Variants in EPB41L4A observed in about 807,000 individuals in gnomAD.
EPB41L4A encodes band 4.1-like protein 4A.
In EPB41L4A, 100 loss-of-function variants were observed where a neutral mutation model predicts 108.6. The observed-to-expected ratio is 0.92, with a 90% confidence interval of 0.78 to 1.09. EPB41L4A has a LOEUF of 1.09. EPB41L4A is among the 50% of genes least tolerant of loss of function. The probability of loss-of-function intolerance (pLI) is 0.00; values close to 1 mark genes in which losing one functional copy is unlikely to be tolerated. For missense variants in EPB41L4A, 1,030 were observed against 842.7 expected (o/e 1.22, Z -2.75); for synonymous variants, 319 against 289.0 (o/e 1.10, Z -1.05).
Position 112,348,225 on chromosome 5 carries a change from C to T in EPB41L4A, c.100-40735G>A, listed in dbSNP as rs140333621. ...TTTCAAAGTCCTCCTCAAGTCTTCTCCTTCATGAAACCATCTGCGACACCT... is the reference window on the plus strand; with the variant it reads ...TTTCAAAGTCCTCCTCAAGTCTTCTTCTTCATGAAACCATCTGCGACACCT... On this transcript the variant is annotated intron_variant, in intron 1 of 22. Coordinates refer to ENST00000261486, the MANE Select transcript of EPB41L4A (RefSeq NM_022140.5). 4.6e-5 allele frequency among the ~76,000 whole-genome samples: 7 copies of T among 152,270 alleles called. No homozygotes were observed. In the East Asian group the frequency reaches 1.4e-3, roughly 29 times the overall value.
At chr5:112,344,068 T>C (rs1029125910) in intron 1 of EPB41L4A, among the ~76,000 whole-genome samples, 2 of 152,134 alleles carry the variant, frequency 1.3e-5, no homozygotes, top group Non-Finnish European at 2.9e-5. Context: ...ACCAATCTCC[T>C]TTAAAAAATT....
intron 1 of EPB41L4A, among the ~76,000 whole-genome samples, chr5:112,382,758 G>A (rs747536237): frequency 3.3e-5 from 5 of 152,122 alleles, no homozygotes; most frequent in African/African-American, 7.2e-5. Flanking sequence ...CAGTATATAG[G>A]TAGCAGGTGT....
At chr5:112,295,241 G>T (rs1289891159) in intron 2 of EPB41L4A, among the ~76,000 whole-genome samples, 1 of 152,144 alleles carries the variant, frequency 6.6e-6, no homozygotes, top group Non-Finnish European at 1.5e-5. Flanking sequence ...TATGAGGAGA[G>T]GTGAGATGAT....
exon 14 of EPB41L4A, chr5:112,142,797 G>C (rs1201968248): frequency 6.6e-5 from 10 of 152,156 alleles, no homozygotes; most frequent in African/African-American, 2.4e-4. Context: ...TTTCATAATA[G>C]AATAGTTGTG....
At chr5:112,392,519 C>T (rs1023555960) in intron 1 of EPB41L4A, among the ~76,000 whole-genome samples, 1 of 151,166 alleles carries the variant, frequency 6.6e-6, no homozygotes, top group Non-Finnish European at 1.5e-5. Context: ...GTAAAGGGAT[C>T]AATTCAACAA....
intron 1 of EPB41L4A, among the ~76,000 whole-genome samples, chr5:112,343,921 C>T (rs926614089): frequency 2.0e-5 from 3 of 152,092 alleles, no homozygotes; most frequent in Admixed American, 1.3e-4. Context: ...CCAGGTATGG[C>T]GGAATGCACC....
intron 1 of EPB41L4A, among the ~76,000 whole-genome samples, chr5:112,417,201 T>C (rs889458711): frequency 6.6e-6 from 1 of 152,208 alleles, no homozygotes; most frequent in Admixed American, 6.5e-5. Flanking sequence ...TAAAAAATAA[T>C]TATGGATCAG....
intron 12 of EPB41L4A, among the ~76,000 whole-genome samples, chr5:112,229,403 T>C (rs895827423): frequency 3.9e-5 from 6 of 152,136 alleles, no homozygotes; most frequent in African/African-American, 1.4e-4. Flanking sequence ...GGTATTTTTA[T>C]TTATTTATTT....
At chr5:112,238,463 G>T (rs1006087708) in intron 11 of EPB41L4A, among the ~76,000 whole-genome samples, 1 of 152,084 alleles carries the variant, frequency 6.6e-6, no homozygotes, top group Non-Finnish European at 1.5e-5. Flanking sequence ...TGCACTGAAC[G>T]TTTAATATTC....
intron 1 of EPB41L4A, among the ~76,000 whole-genome samples, chr5:112,411,848 G>A (rs1439942640): frequency 1.3e-5 from 2 of 152,150 alleles, no homozygotes; most frequent in African/African-American, 2.4e-5. Context: ...AGGCAGCAGA[G>A]GTTCCAAGCC....
intron 2 of EPB41L4A, among the ~76,000 whole-genome samples, chr5:112,297,047 G>A (rs1279160632): frequency 6.6e-6 from 1 of 151,844 alleles, no homozygotes; most frequent in Non-Finnish European, 1.5e-5. Context: ...GTTGACTGAT[G>A]GGCATTTGGG....
Position 112,317,842 on chromosome 5 carries a change from A to G in EPB41L4A, c.100-10352T>C, listed in dbSNP as rs143861291. Among the ~76,000 whole-genome samples the G allele has an allele frequency of 2.6e-5, 4 of 152,338 alleles. No individual in the cohort carries two copies. In the East Asian group the frequency reaches 7.7e-4, roughly 29 times the overall value. On this transcript the variant is annotated intron_variant, in intron 1 of 22. Transcript: ENST00000261486. ...TAAATAGGTTTTTTGGATGATTTCA[A>G]AAATCTCTCCACTTAATGGTAAACA...
intron 1 of EPB41L4A, among the ~76,000 whole-genome samples, chr5:112,388,360 C>G (rs173889): frequency 0.052 from 7,938 of 152,230 alleles, 241 homozygotes; most frequent in Non-Finnish European, 0.065. Context: ...ATCGGCAGAC[C>G]TACCCACCTG....
intron 2 of EPB41L4A, among the ~76,000 whole-genome samples, chr5:112,288,306 T>G (rs1447635004): frequency 6.6e-6 from 1 of 152,124 alleles, no homozygotes; most frequent in Non-Finnish European, 1.5e-5. Context: ...GTTGATTCAT[T>G]AGAAATCCAC....
Position 112,358,704 on chromosome 5 carries a change from G to A in EPB41L4A, c.100-51214C>T, listed in dbSNP as rs549719924. Among the ~76,000 whole-genome samples the A allele has an allele frequency of 1.1e-4, 16 of 152,190 alleles. No individual in the cohort carries two copies. In the East Asian group the frequency reaches 3.1e-3, roughly 29 times the overall value. On this transcript the variant is annotated intron_variant, in intron 1 of 22. Coordinates refer to ENST00000261486, the MANE Select transcript of EPB41L4A (RefSeq NM_022140.5). The stretch of plus-strand genomic sequence containing the variant: ...TATGATATAGCAATTCCACTTCTAG[G>A]TATACACACAAAAGAAATGAGTGCA...
At chr5:112,411,282 A>G (rs1265888697) in intron 1 of EPB41L4A, among the ~76,000 whole-genome samples, 1 of 152,130 alleles carries the variant, frequency 6.6e-6, no homozygotes, top group Non-Finnish European at 1.5e-5. Flanking sequence ...GGTTGAGGCA[A>G]TGTGAGTAGA....
chr5:112,316,891 G>A (rs536903772), intron 1 of EPB41L4A, among the ~76,000 whole-genome samples: 44 of 152,266 alleles, frequency 2.9e-4, no homozygotes, highest in African/African-American at 1.0e-3. Context: ...CTGGAAGCTG[G>A]CTGGGCCACT....
intron 12 of EPB41L4A, among the ~76,000 whole-genome samples, chr5:112,151,373 GATAA>G (rs55907968): frequency 0.27 from 39,601 of 148,750 alleles, 6,448 homozygotes; most frequent in African/African-American, 0.46. Context: ...TCAAGAAGAG[GATAA>G]ATATATATTT....
chr5:112,264,326 C>A (rs1320218460), intron 6 of EPB41L4A: 1 of 152,312 alleles, frequency 6.6e-6, no homozygotes, highest in Non-Finnish European at 1.5e-5. Flanking sequence ...TATCACCATA[C>A]CCTCAAAGGT....
Sources: gnomAD v4.1 joint callset for allele counts (sites outside exome capture counted in the v4.1 genomes callset) on GRCh38, gnomAD v4.1.1 for gene constraint, MANE v1.5 for transcripts, NCBI Gene and HGNC (gene_info 2026-07-23, HGNC 2026-07-21) for gene names.